The following PPP1R9A variants were observed in gnomAD, a reference collection of about 807,000 sequenced individuals.
PPP1R9A encodes the protein neurabin-1.
A neutral mutation model predicts 141.9 loss-of-function variants in PPP1R9A; 59 were observed. The observed-to-expected ratio is 0.42, with a 90% CI of 0.34 to 0.52. PPP1R9A has a LOEUF of 0.52. PPP1R9A is among the 20% of genes least tolerant of loss of function. PPP1R9A has a pLI of 0.10. For missense variants in PPP1R9A, 1,444 were observed against 1,611.9 expected (o/e 0.90, Z 1.78); for synonymous variants, 500 against 569.7 (o/e 0.88, Z 1.74).
intron 5 of PPP1R9A, among the ~76,000 whole-genome samples, chr7:95,173,925 A>C (rs1380183839): frequency 6.6e-6 from 1 of 152,088 alleles, no homozygotes; most frequent in Non-Finnish European, 1.5e-5. Flanking sequence ...ATCGGAATGC[A>C]AAATAGCACA....
At chr7:94,920,432 C>A (rs1182305867) in intron 2 of PPP1R9A, among the ~76,000 whole-genome samples, 1 of 151,748 alleles carries the variant, frequency 6.6e-6, no homozygotes, top group Non-Finnish European at 1.5e-5. Context: ...CATATCCTTA[C>A]AAAGAAGACA....
chr7:95,108,505 T>A (rs1047145408), intron 2 of PPP1R9A, among the ~76,000 whole-genome samples: 1 of 151,554 alleles, frequency 6.6e-6, no homozygotes, highest in African/African-American at 2.4e-5. Context: ...GGAGATGGGG[T>A]TTCACCGTGT....
At chr7:95,248,125 T>C (rs1798371347) in intron 9 of PPP1R9A, among the ~76,000 whole-genome samples, 1 of 131,824 alleles carries the variant, frequency 7.6e-6, no homozygotes, top group Non-Finnish European at 1.7e-5. Flanking sequence ...TTTAAGGCAC[T>C]CGTATGAGAC....
At chr7:95,033,171 ATTTTTTTTTT>A (rs10709825) in intron 2 of PPP1R9A, among the ~76,000 whole-genome samples, 5 of 103,888 alleles carry the variant, frequency 4.8e-5, no homozygotes, top group African/African-American at 1.5e-4. Flanking sequence ...TGCCTGGCTA[ATTTTTTTTTT>A]TTTTTTTTTT....
intron 13 of PPP1R9A, 142 bp downstream of exon 13, chr7:95,268,849 C>A: frequency 2.0e-6 from 2 of 978,004 alleles, no homozygotes; most frequent in South Asian, 2.1e-5. Context: ...TCTTTGTCTC[C>A]TGAATTCTTT....
intron 2 of PPP1R9A, among the ~76,000 whole-genome samples, chr7:95,064,651 A>G (rs1393049980): frequency 6.6e-6 from 1 of 152,232 alleles, no homozygotes; most frequent in Non-Finnish European, 1.5e-5. Context: ...GCAAATGCCA[A>G]AAAAGCTCTA....
intron 2 of PPP1R9A, among the ~76,000 whole-genome samples, chr7:94,965,712 G>A (rs1484376142): frequency 1.3e-5 from 2 of 151,878 alleles, no homozygotes; most frequent in Non-Finnish European, 2.9e-5. Context: ...TGCTGTTTTG[G>A]TTACTGTAGC....
intron 2 of PPP1R9A, among the ~76,000 whole-genome samples, chr7:95,006,276 C>T (rs973054587): frequency 6.0e-5 from 9 of 151,096 alleles, no homozygotes; most frequent in Non-Finnish European, 8.8e-5. Flanking sequence ...GGAGTGAAGC[C>T]GCACAATCTC....
chr7:95,130,381 T>A (rs981105423), intron 4 of PPP1R9A, among the ~76,000 whole-genome samples: 1 of 152,150 alleles, frequency 6.6e-6, no homozygotes, highest in Non-Finnish European at 1.5e-5. Flanking sequence ...TTTGAGAACC[T>A]TTGCCTAGAT....
chr7:95,093,038 A>G (rs1817564462), intron 2 of PPP1R9A, among the ~76,000 whole-genome samples: 1 of 152,218 alleles, frequency 6.6e-6, no homozygotes, highest in South Asian at 2.1e-4. Flanking sequence ...CCCGATATCA[A>G]TATGGCAGGT....
chr7:95,223,475 TAGGA>T (rs1794726065), intron 7 of PPP1R9A, among the ~76,000 whole-genome samples: 1 of 152,018 alleles, frequency 6.6e-6, no homozygotes, highest in Non-Finnish European at 1.5e-5. Context: ...AAAATCTCCT[TAGGA>T]AGTTCTGTCT....
intron 2 of PPP1R9A, among the ~76,000 whole-genome samples, chr7:94,949,594 T>G (rs989914703): frequency 6.6e-6 from 1 of 152,078 alleles, no homozygotes; most frequent in Non-Finnish European, 1.5e-5. Flanking sequence ...TTGGGCTAGT[T>G]AGCAGCTCAG....
In PPP1R9A at chr7:95,293,742, T is replaced by C. The variant is rs1269442924; in HGVS notation, c.*3439T>C. The C allele has an allele frequency of 6.6e-6, 1 of 152,216 alleles. No homozygotes were observed. The highest frequency in any genetic ancestry group is 2.4e-5 in the African/African-American group (1 of 41,466). 9.4% of individuals were successfully genotyped at this position (152,216 alleles called of 1,614,324 possible). A position where few individuals can be genotyped will look rare whatever the true frequency, so the allele number is the denominator to read the frequency against. On this transcript the variant is annotated 3_prime_UTR_variant, in exon 20 of 20. Transcript: ENST00000433360. ...CTAGCACCTCGGCCGTTAGAGTTTG[T>C]GCTGAAGACAAATTTGTCTGGGTTC...
intron 5 of PPP1R9A, among the ~76,000 whole-genome samples, chr7:95,165,877 G>C (rs1288499655): frequency 2.6e-5 from 4 of 152,182 alleles, no homozygotes; most frequent in Non-Finnish European, 5.9e-5. Context: ...GTCAGGCGCA[G>C]TGGCTCATGC....
intron 2 of PPP1R9A, among the ~76,000 whole-genome samples, chr7:95,011,435 G>A (rs1292794423): frequency 1.3e-5 from 2 of 152,136 alleles, no homozygotes; most frequent in African/African-American, 4.8e-5. Context: ...GAACAATCAA[G>A]TTAAAACCTA....
intron 2 of PPP1R9A, among the ~76,000 whole-genome samples, chr7:95,106,223 A>G (rs1277836722): frequency 6.6e-6 from 1 of 152,194 alleles, no homozygotes; most frequent in East Asian, 1.9e-4. Context: ...GCATAATTAC[A>G]TGGACTATTT....
chr7:95,174,383 G>A (rs1832596843), intron 5 of PPP1R9A, among the ~76,000 whole-genome samples: 1 of 151,992 alleles, frequency 6.6e-6, no homozygotes, highest in Non-Finnish European at 1.5e-5. Flanking sequence ...CTGCAAACAA[G>A]AAGGAAGGAC....
intron 2 of PPP1R9A, among the ~76,000 whole-genome samples, chr7:95,069,211 G>C (rs1265538263): frequency 3.9e-5 from 6 of 152,190 alleles, no homozygotes; most frequent in Non-Finnish European, 7.3e-5. Flanking sequence ...CAACATGTGA[G>C]GAGGATAGTG....
At chr7:95,034,682 A>G (rs945873137) in intron 2 of PPP1R9A, among the ~76,000 whole-genome samples, 1 of 152,168 alleles carries the variant, frequency 6.6e-6, no homozygotes, top group Non-Finnish European at 1.5e-5. Flanking sequence ...CTAAAAGTTT[A>G]TGGTATTTGA....
Sources: allele counts gnomAD v4.1 joint callset (sites outside exome capture counted in the v4.1 genomes callset), GRCh38; gene constraint gnomAD v4.1.1; transcripts MANE v1.5; gene names NCBI Gene and HGNC (gene_info 2026-07-23, HGNC 2026-07-21).